The following SLC16A7 variants were observed in gnomAD, a reference collection of about 807,000 sequenced individuals.
The protein encoded by SLC16A7 is solute carrier family 16 member 7.
A neutral mutation model predicts 34.9 loss-of-function variants in SLC16A7; 33 were observed. That is an observed-to-expected ratio of 0.94 (90% CI 0.72 to 1.26). SLC16A7 has a LOEUF of 1.26. Among genes scored for constraint, SLC16A7 ranks in the 50% most tolerant of loss-of-function variants. The pLI is 0.00. For missense variants in SLC16A7, 573 were observed against 578.1 expected (o/e 0.99, Z 0.09); for synonymous variants, 201 against 206.6 (o/e 0.97, Z 0.23).
intron 1 of SLC16A7, among the ~76,000 whole-genome samples, chr12:59,624,934 C>T (rs1879861252): frequency 6.6e-6 from 1 of 151,714 alleles, no homozygotes; most frequent in South Asian, 2.1e-4. Context: ...TGTAAAACCC[C>T]AAGTTCAAGT....
chr12:59,636,847 A>G (rs1477008625), intron 1 of SLC16A7, among the ~76,000 whole-genome samples: 1 of 152,140 alleles, frequency 6.6e-6, no homozygotes, highest in African/African-American at 2.4e-5. Flanking sequence ...CCTTAAGCAC[A>G]TCTACTTGAT....
intron 2 of SLC16A7, among the ~76,000 whole-genome samples, chr12:59,665,322 A>C (rs952086675): frequency 1.1e-4 from 17 of 152,066 alleles, no homozygotes; most frequent in Non-Finnish European, 1.9e-4. Context: ...GACATTCTGA[A>C]AATAAGACTA....
At chr12:59,618,609 G>T (rs991581021) in intron 1 of SLC16A7, among the ~76,000 whole-genome samples, 3 of 151,912 alleles carry the variant, frequency 2.0e-5, no homozygotes, top group African/African-American at 7.2e-5. Context: ...AAAGTAGAAT[G>T]CTCCCTTCCA....
At chr12:59,764,354 TAA>T (rs776245117) in intron 3 of SLC16A7, among the ~76,000 whole-genome samples, 8 of 152,184 alleles carry the variant, frequency 5.3e-5, no homozygotes, top group Admixed American at 2.0e-4. Context: ...TATTATACTT[TAA>T]GTTTTAGAGT....
At chr12:59,742,021 G>A (rs999210134) in intron 3 of SLC16A7, among the ~76,000 whole-genome samples, 2 of 152,128 alleles carry the variant, frequency 1.3e-5, no homozygotes, top group African/African-American at 2.4e-5. Flanking sequence ...GGGTGATTTG[G>A]GGTGTTTAAC....
intron 1 of SLC16A7, among the ~76,000 whole-genome samples, chr12:59,641,807 T>G (rs990244841): frequency 1.3e-5 from 2 of 152,036 alleles, no homozygotes; most frequent in African/African-American, 2.4e-5. Context: ...TACTTTTCAA[T>G]GTATGTCACT....
chr12:59,632,304 A>G (rs1880218451), intron 1 of SLC16A7, among the ~76,000 whole-genome samples: 1 of 151,950 alleles, frequency 6.6e-6, no homozygotes, highest in Non-Finnish European at 1.5e-5. Context: ...AAGTGGTGGA[A>G]AAGAAAGGGA....
rs747971816 is a variant in SLC16A7, at chr12:59,775,416, C to T, written c.1121C>T (p.Ala374Val). 1.9e-6 allele frequency: 3 copies of T among 1,613,944 alleles called. No homozygotes were observed. Among genetic ancestry groups the T allele is most frequent in the Non-Finnish European group, 2.5e-6 (3 of 1,179,968 alleles). The change falls in exon 5 of 6, where the codon GCC (alanine) becomes GTC (valine). Residue 374 changes from alanine to valine, a missense_variant. Transcript: ENST00000547379. ...GTGGGTGCACCAAGATTTTCCAGTG[C>T]CGTCGGACTTGTCACAATTGTGGAG... The part of the protein sequence containing the change: ...DLVGAPRFSS[A>V]VGLVTIVECG...
intron 2 of SLC16A7, among the ~76,000 whole-genome samples, chr12:59,672,387 C>T (rs913175238): frequency 6.0e-5 from 9 of 151,226 alleles, no homozygotes; most frequent in East Asian, 2.0e-4. Context: ...GAAAGCAGGC[C>T]GGACCAGCGC....
chr12:59,751,734 A>G (rs2137332252), intron 3 of SLC16A7, among the ~76,000 whole-genome samples: 1 of 152,346 alleles, frequency 6.6e-6, no homozygotes. Flanking sequence ...TCCCTGTCTG[A>G]CAGCTTTGAA....
chr12:59,603,862 C>T (rs1878806101), intron 1 of SLC16A7, among the ~76,000 whole-genome samples: 3 of 152,132 alleles, frequency 2.0e-5, no homozygotes, highest in Admixed American at 6.5e-5. Context: ...TTTAAGTGTA[C>T]ACACTGAGGC....
intron 3 of SLC16A7, among the ~76,000 whole-genome samples, chr12:59,705,898 A>G (rs1873510408): frequency 6.6e-6 from 1 of 152,200 alleles, no homozygotes; most frequent in Non-Finnish European, 1.5e-5. Context: ...AGTAAGGATA[A>G]TATGGCTCTT....
At chr12:59,661,872 T>C (rs1387263466) in intron 2 of SLC16A7, among the ~76,000 whole-genome samples, 1 of 152,140 alleles carries the variant, frequency 6.6e-6, no homozygotes. Flanking sequence ...ATTATAACTC[T>C]AAGAGATAAT....
Position 59,711,102 on chromosome 12 carries a change from T to C in SLC16A7, c.217+6084T>C, listed in dbSNP as rs1053683757. Among the ~76,000 whole-genome samples, 4 of 152,330 alleles carry C rather than the reference T, an allele frequency of 2.6e-5. No individual in the cohort carries two copies. In the South Asian group the frequency reaches 6.2e-4, roughly 24 times the overall value. ...TTTGACAAATTCTAAGGAAGATTGC[T>C]AGGACATGGCCTACTTTGCATTTGC... On this transcript the variant is annotated intron_variant, in intron 3 of 5. Coordinates refer to ENST00000547379, the MANE Select transcript of SLC16A7 (RefSeq NM_001270623.2).
chr12:59,697,303 C>T (rs35791763), intron 2 of SLC16A7, among the ~76,000 whole-genome samples: 3,618 of 152,016 alleles, frequency 0.024, 69 homozygotes, highest in Non-Finnish European at 0.034. Context: ...GAACCATTAA[C>T]GAAAGAACAC....
At chr12:59,725,943 T>G (rs1876180786) in intron 3 of SLC16A7, among the ~76,000 whole-genome samples, 1 of 152,164 alleles carries the variant, frequency 6.6e-6, no homozygotes, top group African/African-American at 2.4e-5. Flanking sequence ...TTTTCAGAGG[T>G]GACTAAAATT....
At chr12:59,711,342 G>A (rs1270182644) in intron 3 of SLC16A7, among the ~76,000 whole-genome samples, 3 of 152,102 alleles carry the variant, frequency 2.0e-5, no homozygotes, top group African/African-American at 7.2e-5. Context: ...AAATGTGTTG[G>A]GTTTTACTAG....
chr12:59,653,289 A>G (rs1868380531), intron 1 of SLC16A7, among the ~76,000 whole-genome samples: 2 of 151,766 alleles, frequency 1.3e-5, no homozygotes, highest in African/African-American at 4.8e-5. Context: ...AACTTCCTTA[A>G]CTAATGATTC....
chr12:59,691,194 G>A (rs1871605662), intron 2 of SLC16A7, among the ~76,000 whole-genome samples: 1 of 151,848 alleles, frequency 6.6e-6, no homozygotes, highest in South Asian at 2.1e-4. Flanking sequence ...TCTCACTAAA[G>A]GAAGAAGCTG....
Sources: allele counts gnomAD v4.1 joint callset (sites outside exome capture counted in the v4.1 genomes callset), GRCh38; gene constraint gnomAD v4.1.1; transcripts MANE v1.5; gene names NCBI Gene and HGNC (gene_info 2026-07-23, HGNC 2026-07-21).